Variants in HDGFL3 observed in about 807,000 individuals in gnomAD.
The protein encoded by HDGFL3 is hepatoma-derived growth factor-related protein 3.
A neutral mutation model predicts 27.6 loss-of-function variants in HDGFL3; 6 were observed. The observed-to-expected ratio is 0.22, with a 90% CI of 0.12 to 0.43. The LOEUF is 0.43. Ranked by LOEUF, HDGFL3 falls within the 20% of genes least tolerant of loss-of-function variation. The probability of loss-of-function intolerance (pLI) is 1.00; values close to 1 mark genes in which losing one functional copy is unlikely to be tolerated. For missense variants in HDGFL3, 207 were observed against 250.1 expected, an observed-to-expected ratio of 0.83 and a Z score of 1.16; for synonymous variants, 88 against 88.9, an observed-to-expected ratio of 0.99 and a Z score of 0.05.
chr15:83,206,306 C>T (rs1423275341), intron 1 of HDGFL3, among the ~76,000 whole-genome samples: 3 of 152,150 alleles, frequency 2.0e-5, no homozygotes, highest in African/African-American at 7.2e-5. Flanking sequence ...CAATTTTCTC[C>T]ATGACTGTTT....
chr15:83,195,752 T>TA (rs2037562113), intron 1 of HDGFL3, among the ~76,000 whole-genome samples: 1 of 152,004 alleles, frequency 6.6e-6, no homozygotes, highest in African/African-American at 2.4e-5. Context: ...ACCAGGTTCT[T>TA]ACAAAATTTG....
At chr15:83,170,907 A>G (rs978154654) in intron 1 of HDGFL3, among the ~76,000 whole-genome samples, 3 of 152,090 alleles carry the variant, frequency 2.0e-5, no homozygotes, top group Admixed American at 6.5e-5. Flanking sequence ...AATCTCATTA[A>G]AAAATGGGCA....
intron 2 of HDGFL3, among the ~76,000 whole-genome samples, chr15:83,159,850 C>G (rs962311255): frequency 6.6e-6 from 1 of 151,950 alleles, no homozygotes; most frequent in African/African-American, 2.4e-5. Context: ...AGAGTAGGGG[C>G]ACAGATTATT....
chr15:83,151,803 T>C lies in HDGFL3; in HGVS notation c.460-442A>G, dbSNP rs185537735. Among the ~76,000 whole-genome samples, 155 of 152,314 alleles carry C rather than the reference T, an allele frequency of 1.0e-3. 1 individual carries two copies. The highest frequency in any genetic ancestry group is 3.4e-3 in the Middle Eastern group (1 of 294). ...GAGGTGAACTATCCAAGAGAATATATAGATATTCATGCTGGAACACCTCTT... is the reference window on the plus strand; with the variant it reads ...GAGGTGAACTATCCAAGAGAATATACAGATATTCATGCTGGAACACCTCTT... On this transcript the variant is annotated intron_variant, in intron 4 of 5. Transcript: ENST00000299633.
At chr15:83,201,990 T>C (rs996778633) in intron 1 of HDGFL3, among the ~76,000 whole-genome samples, 3 of 152,128 alleles carry the variant, frequency 2.0e-5, no homozygotes, top group African/African-American at 7.2e-5. Flanking sequence ...TATGTTGAGA[T>C]TAAAAAGAAC....
intron 1 of HDGFL3, among the ~76,000 whole-genome samples, chr15:83,173,618 C>G (rs552743546): frequency 6.6e-6 from 1 of 152,234 alleles, no homozygotes; most frequent in African/African-American, 2.4e-5. Flanking sequence ...ATTTCCAGAT[C>G]TCATCTACTC....
chr15:83,180,945 T>C (rs942267078), intron 1 of HDGFL3: 3 of 151,784 alleles, frequency 2.0e-5, no homozygotes, highest in African/African-American at 7.3e-5. Context: ...CAATTTAATA[T>C]TTGAAAAGAA....
rs2036219492 is a variant in HDGFL3, at chr15:83,131,217, C to T, written c.*8053G>A. 6.6e-6 allele frequency: 1 copy of T among 152,146 alleles called. No homozygotes were observed. Among genetic ancestry groups the T allele is most frequent in the Non-Finnish European group, 1.5e-5 (1 of 68,044 alleles). 9.4% of individuals were successfully genotyped at this position (152,146 alleles called of 1,614,324 possible). A position where few individuals can be genotyped will look rare whatever the true frequency, so the allele number is the denominator to read the frequency against. ...CCTTATGCATTCATGATCCCACTAA[C>T]TTTACTAAAACTTACTTTTACTGAA... On this transcript the variant is annotated 3_prime_UTR_variant, in exon 6 of 6. Coordinates refer to ENST00000299633, the MANE Select transcript of HDGFL3 (RefSeq NM_016073.4).
chr15:83,127,553 G>A (rs1179378484), downstream of HDGFL3: 22 of 1,550,310 alleles, frequency 1.4e-5, no homozygotes, highest in East Asian at 4.8e-4. Flanking sequence ...AAACTTCTCT[G>A]CTCAGTGTTT....
Position 83,193,644 on chromosome 15 carries a change from C to A in HDGFL3, c.84+13687G>T, listed in dbSNP as rs558462387. On this transcript the variant is annotated intron_variant, in intron 1 of 5. Transcript: ENST00000299633. ...TGAAAGCAACTCTCCGTAGGACACA[C>A]CTACCAGTGCCATGTCAATTTACCG... Among the ~76,000 whole-genome samples the A allele has an allele frequency of 1.4e-3, 209 of 152,310 alleles. 1 individual carries two copies. Among genetic ancestry groups the A allele is most frequent in the Middle Eastern group, 3.4e-3 (1 of 294 alleles).
Position 83,121,601 on chromosome 15 carries a change from C to T in HDGFL3, c.394-5860G>A, listed in dbSNP as rs577784794. Reference sequence around the variant, plus strand: ...ATTTCTTCTTTCAACTTTCTTTTTCCTTTCATGCTGTTGAGTTTCACACAC... The same window carrying T: ...ATTTCTTCTTTCAACTTTCTTTTTCTTTTCATGCTGTTGAGTTTCACACAC... On this transcript the variant is annotated intron_variant, in intron 3 of 3. Coordinates refer to the HDGFL3 transcript ENST00000568294. 6.6e-5 allele frequency among the ~76,000 whole-genome samples: 10 copies of T among 152,136 alleles called. No individual in the cohort carries two copies. The South Asian group carries it at 2.1e-3, about 32-fold the overall frequency.
intron 4 of HDGFL3, among the ~76,000 whole-genome samples, chr15:83,156,573 T>C (rs1375379711): frequency 6.6e-6 from 1 of 152,232 alleles, no homozygotes; most frequent in African/African-American, 2.4e-5. Context: ...TCATGTCACA[T>C]AGTAATGTTT....
chr15:83,160,898 G>C (rs1048803413), intron 2 of HDGFL3, among the ~76,000 whole-genome samples: 2 of 152,128 alleles, frequency 1.3e-5, no homozygotes, highest in Non-Finnish European at 2.9e-5. Context: ...AAACTTTTAA[G>C]AAGCACCAAC....
intron 1 of HDGFL3, among the ~76,000 whole-genome samples, chr15:83,183,457 G>A (rs2037403453): frequency 6.6e-6 from 1 of 152,110 alleles, no homozygotes; most frequent in Admixed American, 6.6e-5. Context: ...AACCTTGTCT[G>A]ATTGAATATA....
intron 3 of HDGFL3, chr15:83,122,674 A>G (rs1596499219): frequency 2.7e-6 from 4 of 1,500,568 alleles, no homozygotes; most frequent in Non-Finnish European, 3.6e-6. Context: ...ATTTTAGATG[A>G]CCTGAGATGG....
At chr15:83,174,275 CCA>C (rs1447244637) in intron 1 of HDGFL3, among the ~76,000 whole-genome samples, 1 of 152,038 alleles carries the variant, frequency 6.6e-6, no homozygotes, top group African/African-American at 2.4e-5. Context: ...TTCTCGAGCC[CCA>C]CATTCAGCTG....
intron 2 of HDGFL3, among the ~76,000 whole-genome samples, chr15:83,161,772 T>C (rs975723810): frequency 6.6e-6 from 1 of 152,192 alleles, no homozygotes; most frequent in African/African-American, 2.4e-5. Context: ...TTATAGATAA[T>C]TGTGTAAATC....
At chr15:83,176,685 C>G (rs2037315681) in intron 1 of HDGFL3, among the ~76,000 whole-genome samples, 1 of 152,068 alleles carries the variant, frequency 6.6e-6, no homozygotes, top group Non-Finnish European at 1.5e-5. Context: ...TTTTTAGGAG[C>G]CTCCAGGTCA....
intron 1 of HDGFL3, among the ~76,000 whole-genome samples, chr15:83,165,196 G>A (rs758874679): frequency 1.2e-4 from 19 of 152,212 alleles, no homozygotes; most frequent in Non-Finnish European, 2.5e-4. Context: ...TGAAATTTAC[G>A]TTTCATTAGC....
Sources: gnomAD v4.1 joint callset for allele counts (sites outside exome capture counted in the v4.1 genomes callset) on GRCh38, gnomAD v4.1.1 for gene constraint, MANE v1.5 for transcripts, NCBI Gene and HGNC (gene_info 2026-07-23, HGNC 2026-07-21) for gene names.